The following PECR variants were observed in gnomAD, a reference collection of about 807,000 sequenced individuals.
The protein encoded by PECR is 2,4-dienoyl-CoA reductase-related protein.
A neutral mutation model predicts 35.3 loss-of-function variants in PECR; 30 were observed. The ratio of observed to expected loss-of-function variants is 0.85; its 90% CI spans 0.64 to 1.15. PECR has a LOEUF of 1.15. Ranked by LOEUF, PECR falls within the 50% of genes most tolerant of loss-of-function variation. The pLI is 0.00. For synonymous variants in PECR, 148 were observed against 138.9 expected (o/e 1.07, Z -0.46); for missense variants, 392 against 370.8 (o/e 1.06, Z -0.47).
At chr2:216,047,024 T>C (rs1200438804) in intron 6 of PECR, among the ~76,000 whole-genome samples, 1 of 152,034 alleles carries the variant, frequency 6.6e-6, no homozygotes, top group Admixed American at 6.6e-5. Context: ...TCCCAGCACT[T>C]TGGGAGGTTG....
In PECR at chr2:216,080,031, C is replaced by T. The variant is rs571081295; in HGVS notation, c.124+1587G>A. Among the ~76,000 whole-genome samples, 725 of 151,216 alleles carry T rather than the reference C, an allele frequency of 4.8e-3. 7 individuals carry two copies. Among genetic ancestry groups the T allele is most frequent in the African/African-American group, 0.017 (681 of 41,248 alleles). The stretch of plus-strand genomic sequence containing the variant: ...GAATGCTATTAGGTTTAGAATTCTA[C>T]TTTTCCCAATAATATGGTATGCATT... On this transcript the variant is annotated intron_variant, in intron 1 of 7. Transcript: ENST00000265322.
intron 1 of PECR, among the ~76,000 whole-genome samples, chr2:216,067,644 C>T (rs1418453965): frequency 6.6e-6 from 1 of 151,710 alleles, no homozygotes; most frequent in Non-Finnish European, 1.5e-5. Context: ...GCAACCTCCA[C>T]CTCCCGGGTT....
downstream of PECR, among the ~76,000 whole-genome samples, chr2:216,036,609 C>G (rs186545194): frequency 3.9e-5 from 6 of 152,346 alleles, no homozygotes; most frequent in East Asian, 1.2e-3. Context: ...TGCATACTTT[C>G]AGCAAGCCTG....
At chr2:216,048,855 A>C (rs1490259718) in intron 6 of PECR, among the ~76,000 whole-genome samples, 1 of 151,730 alleles carries the variant, frequency 6.6e-6, no homozygotes, top group Non-Finnish European at 1.5e-5. Flanking sequence ...AAAAAAAAAA[A>C]AAAAAAAAAA....
At chr2:216,065,149 T>C (rs1158702599) in intron 3 of PECR, 163 bp downstream of exon 3, 4 of 675,232 alleles carry the variant, frequency 5.9e-6, no homozygotes, top group Non-Finnish European at 8.0e-6. Flanking sequence ...TTTATAAATA[T>C]TGCCAAATTA....
In PECR at chr2:216,074,541, A is replaced by G. The variant is rs12991941; in HGVS notation, c.124+7077T>C. Among the ~76,000 whole-genome samples the G allele has an allele frequency of 3.7e-3, 299 of 81,856 alleles. 1 individual carries two copies. Among genetic ancestry groups the G allele is most frequent in the East Asian group, 0.019 (37 of 1,912 alleles). The allele number at this position is 81,856 out of a possible 152,430, so 53.7% of individuals were successfully genotyped here. On this transcript the variant is annotated intron_variant, in intron 1 of 7. Transcript: ENST00000265322. ...GGAAGGAAGGAAGGAAGGAAGGAAG[A>G]AAGGAAGGAAGGAAGGAAGAGAGAG...
At chr2:216,079,461 G>A (rs551878901) in intron 1 of PECR, among the ~76,000 whole-genome samples, 90 of 150,620 alleles carry the variant, frequency 6.0e-4, no homozygotes, top group African/African-American at 2.0e-3. Flanking sequence ...TCTGCCTCCC[G>A]GGTTCACGCC....
At chr2:216,059,782 C>T (rs1314290620) in intron 3 of PECR, among the ~76,000 whole-genome samples, 1 of 152,154 alleles carries the variant, frequency 6.6e-6, no homozygotes, top group East Asian at 1.9e-4. Context: ...TATATCTAGC[C>T]TATGTCAGTA....
downstream of PECR, among the ~76,000 whole-genome samples, chr2:216,034,356 C>T (rs898428502): frequency 6.6e-6 from 1 of 152,202 alleles, no homozygotes; most frequent in African/African-American, 2.4e-5. Flanking sequence ...TCACTGCCTT[C>T]CCCTCGGGCT....
At chr2:216,048,118 A>G (rs922542823) in intron 6 of PECR, among the ~76,000 whole-genome samples, 1 of 151,720 alleles carries the variant, frequency 6.6e-6, no homozygotes, top group African/African-American at 2.4e-5. Context: ...TCTGTCGCCC[A>G]GGCTGGAGTG....
chr2:216,050,579 A>ACT (rs1695093696), intron 5 of PECR, among the ~76,000 whole-genome samples: 1 of 152,194 alleles, frequency 6.6e-6, no homozygotes, highest in African/African-American at 2.4e-5. Flanking sequence ...TGAGTGGCAC[A>ACT]GATAACACCT....
At position 216,048,239 on chromosome 2, in the gene PECR, T is replaced by C. The variant is rs912295498; in HGVS notation, c.714+1024A>G. 3.3e-5 allele frequency among the ~76,000 whole-genome samples: 5 copies of C among 151,926 alleles called. 1 individual carries two copies. The highest frequency in any genetic ancestry group is 6.8e-3 in the Middle Eastern group (2 of 294). The stretch of plus-strand genomic sequence containing the variant: ...ACAGGTGTCCGCCACCACACCCGGG[T>C]AATTTTTTTGTATTTTTAGTAGAGG... On this transcript the variant is annotated intron_variant, in intron 6 of 7. Coordinates refer to ENST00000265322, the MANE Select transcript of PECR (RefSeq NM_018441.6).
At chr2:216,061,754 C>T (rs1695357429) in intron 3 of PECR, among the ~76,000 whole-genome samples, 1 of 151,904 alleles carries the variant, frequency 6.6e-6, no homozygotes, top group East Asian at 1.9e-4. Flanking sequence ...TTGAAAACAT[C>T]TTGGATTTTA....
intron 3 of PECR, among the ~76,000 whole-genome samples, chr2:216,062,166 C>T (rs1695368721): frequency 6.6e-6 from 1 of 151,966 alleles, no homozygotes; most frequent in Non-Finnish European, 1.5e-5. Context: ...CTGCCTCAGC[C>T]TCCCAAGTAG....
intron 3 of PECR, 113 bp downstream of exon 3, chr2:216,065,199 G>A (rs1695438693): frequency 1.2e-6 from 1 of 802,288 alleles, no homozygotes; most frequent in Non-Finnish European, 2.3e-6. Context: ...TATGTTGTAA[G>A]TGAGAAAATC....
At chr2:216,043,090 T>C (rs1309119542) in intron 7 of PECR, among the ~76,000 whole-genome samples, 1 of 142,742 alleles carries the variant, frequency 7.0e-6, no homozygotes, top group Non-Finnish European at 1.5e-5. Context: ...TACACATACA[T>C]ATATATGTAT....
intron 4 of PECR, among the ~76,000 whole-genome samples, chr2:216,055,228 G>A (rs113491221): frequency 2.0e-5 from 3 of 151,624 alleles, no homozygotes; most frequent in Admixed American, 1.3e-4. Flanking sequence ...ACCTGAGGTC[G>A]GGGGTTCGAG....
chr2:216,079,384 T>C (rs1449680327), intron 1 of PECR, among the ~76,000 whole-genome samples: 2 of 151,682 alleles, frequency 1.3e-5, no homozygotes, highest in African/African-American at 2.4e-5. Flanking sequence ...TTTTTTTTTT[T>C]TGATACTGAG....
intron 7 of PECR, among the ~76,000 whole-genome samples, chr2:216,029,615 CT>C (rs1480094060): frequency 6.6e-6 from 1 of 152,260 alleles, no homozygotes; most frequent in Non-Finnish European, 1.5e-5. Flanking sequence ...TGTTATCCCT[CT>C]TTCCAGAGTT....
Sources: allele counts gnomAD v4.1 joint callset (sites outside exome capture counted in the v4.1 genomes callset), GRCh38; gene constraint gnomAD v4.1.1; transcripts MANE v1.5; gene names NCBI Gene and HGNC (gene_info 2026-07-23, HGNC 2026-07-21).